CFAP263: variants seen among roughly 807,000 people sequenced by gnomAD.
The protein encoded by CFAP263 is cilia- and flagella-associated protein 263.
chr16:58,259,682 A>G, the CFAP263 span, among the ~76,000 whole-genome samples: 2 of 152,188 alleles, frequency 1.3e-5, no homozygotes, highest in South Asian at 2.1e-4. Flanking sequence ...CTTCTTGGTC[A>G]TGAAATGTCA....
chr16:58,277,480 A>G, the CFAP263 span, among the ~76,000 whole-genome samples: 1 of 152,252 alleles, frequency 6.6e-6, no homozygotes, highest in African/African-American at 2.4e-5. Context: ...TTTTTACTGC[A>G]TGATAATTTT....
At chr16:58,282,793 G>GCAGTT in the CFAP263 span, 3 of 152,236 alleles carry the variant, frequency 2.0e-5, no homozygotes, top group Non-Finnish European at 4.4e-5. Context: ...AGTCCGATTC[G>GCAGTT]CAGTTTGTCT....
At chr16:58,263,485 T>G in the CFAP263 span, among the ~76,000 whole-genome samples, 1 of 152,198 alleles carries the variant, frequency 6.6e-6, no homozygotes, top group Non-Finnish European at 1.5e-5. Flanking sequence ...CTAAAATATT[T>G]ACTATCTGGT....
At chr16:58,257,554 C>T in the CFAP263 span, among the ~76,000 whole-genome samples, 2 of 152,044 alleles carry the variant, frequency 1.3e-5, no homozygotes, top group South Asian at 4.1e-4. Flanking sequence ...TTGCCTCAGC[C>T]TCCTGAGCAG....
the CFAP263 span, among the ~76,000 whole-genome samples, chr16:58,258,012 G>A: frequency 6.6e-6 from 1 of 151,622 alleles, no homozygotes; most frequent in Non-Finnish European, 1.5e-5. Context: ...GGAGGCTGAG[G>A]CAGGAGAATT....
At chr16:58,258,511 G>A in the CFAP263 span, 8 of 1,613,768 alleles carry the variant, frequency 5.0e-6, no homozygotes, top group African/African-American at 9.3e-5. Flanking sequence ...TTGAGGACAT[G>A]AACCGCCGGA....
At chr16:58,269,387 AAGGAAAGAGG>A in the CFAP263 span, among the ~76,000 whole-genome samples, 1 of 151,934 alleles carries the variant, frequency 6.6e-6, no homozygotes, top group Admixed American at 6.6e-5. Context: ...AGAAGAAAGG[AAGGAAAGAGG>A]AAAGAAAGGA....
chr16:58,277,332 T>C, the CFAP263 span, among the ~76,000 whole-genome samples: 8 of 152,264 alleles, frequency 5.3e-5, no homozygotes, highest in South Asian at 8.3e-4. Flanking sequence ...TTTCACCATG[T>C]TGGCCAGGCT....
At chr16:58,263,569 C>T in the CFAP263 span, among the ~76,000 whole-genome samples, 5 of 152,242 alleles carry the variant, frequency 3.3e-5, no homozygotes, top group Admixed American at 6.5e-5. Flanking sequence ...TTAGGTAGCT[C>T]GCAGGTGGGC....
At chr16:58,274,723 T>C in the CFAP263 span, among the ~76,000 whole-genome samples, 3 of 152,208 alleles carry the variant, frequency 2.0e-5, no homozygotes, top group African/African-American at 7.2e-5. Flanking sequence ...GTCAATCAAA[T>C]CTTCTTTTCT....
chr16:58,255,976 A>G, the CFAP263 span, among the ~76,000 whole-genome samples: 1 of 152,230 alleles, frequency 6.6e-6, no homozygotes, highest in Non-Finnish European at 1.5e-5. Flanking sequence ...CAGAGAAGAA[A>G]CATCACTGTT....
At chr16:58,265,245 G>C in the CFAP263 span, among the ~76,000 whole-genome samples, 1 of 152,256 alleles carries the variant, frequency 6.6e-6, no homozygotes. Flanking sequence ...TCTGTTCAAT[G>C]ATTCGGTTAT....
At chr16:58,255,173 G>T in the CFAP263 span, among the ~76,000 whole-genome samples, 1 of 152,184 alleles carries the variant, frequency 6.6e-6, no homozygotes, top group Non-Finnish European at 1.5e-5. Flanking sequence ...GTGGCCGAAG[G>T]CCCTAGAGCC....
the CFAP263 span, among the ~76,000 whole-genome samples, chr16:58,276,447 T>C: frequency 6.6e-6 from 1 of 152,250 alleles, no homozygotes; most frequent in Non-Finnish European, 1.5e-5. Flanking sequence ...TTACTGACAT[T>C]TGGGGCTGGA....
the CFAP263 span, among the ~76,000 whole-genome samples, chr16:58,273,421 C>T: frequency 6.6e-6 from 1 of 152,144 alleles, no homozygotes; most frequent in Non-Finnish European, 1.5e-5. Context: ...TATCAATCTA[C>T]AAGTTTACTG....
At chr16:58,279,367 CAG>C in the CFAP263 span, among the ~76,000 whole-genome samples, 2 of 152,198 alleles carry the variant, frequency 1.3e-5, no homozygotes, top group Non-Finnish European at 2.9e-5. Context: ...CATTTTGCAG[CAG>C]AGAGTAAATT....
chr16:58,267,572 C>T, the CFAP263 span: 1 of 1,608,076 alleles, frequency 6.2e-7, no homozygotes, highest in Non-Finnish European at 8.5e-7. Context: ...AAAAGAAACA[C>T]TACAAGTAGA....
At chr16:58,267,703 C>G in the CFAP263 span, 1 of 647,824 alleles carries the variant, frequency 1.5e-6, no homozygotes, top group South Asian at 2.1e-5. Flanking sequence ...AAAGCCTAGA[C>G]AATAAAAATC....
chr16:58,278,511 G>A, the CFAP263 span: 8 of 1,614,186 alleles, frequency 5.0e-6, no homozygotes, highest in South Asian at 2.2e-5. Flanking sequence ...CAGTGAATAA[G>A]AGGCTCCGGA....
Sources: allele counts gnomAD v4.1 joint callset (sites outside exome capture counted in the v4.1 genomes callset), GRCh38; gene constraint gnomAD v4.1.1; transcripts MANE v1.5; gene names NCBI Gene and HGNC (gene_info 2026-07-23, HGNC 2026-07-21).